The following INPP4B variants were observed in gnomAD, a reference collection of about 807,000 sequenced individuals.
The protein encoded by INPP4B is inositol polyphosphate 4-phosphatase type II.
A neutral mutation model predicts 122.5 loss-of-function variants in INPP4B; 55 were observed. The ratio of observed to expected loss-of-function variants is 0.45; its 90% CI spans 0.36 to 0.56. The LOEUF is 0.56. Ranked by LOEUF, INPP4B falls within the 20% of genes least tolerant of loss-of-function variation. The pLI is 0.00. For missense variants in INPP4B, 1,000 were observed against 1,097.7 expected (o/e 0.91, Z 1.26); for synonymous variants, 403 against 388.7 (o/e 1.04, Z -0.43).
chr4:142,656,468 CT>C (rs1013320007), intron 2 of INPP4B, among the ~76,000 whole-genome samples: 3 of 152,168 alleles, frequency 2.0e-5, no homozygotes, highest in African/African-American at 7.2e-5. Flanking sequence ...CCCCTACCCC[CT>C]GTGGATCCTG....
At chr4:142,269,024 G>A (rs1317208754) in intron 10 of INPP4B, among the ~76,000 whole-genome samples, 1 of 152,030 alleles carries the variant, frequency 6.6e-6, no homozygotes, top group Non-Finnish European at 1.5e-5. Flanking sequence ...TTAATACAGA[G>A]TTTTGTTGAA....
At chr4:142,764,028 A>C (rs1771724640) in intron 1 of INPP4B, among the ~76,000 whole-genome samples, 1 of 152,132 alleles carries the variant, frequency 6.6e-6, no homozygotes, top group Non-Finnish European at 1.5e-5. Flanking sequence ...CAAGTTCAAA[A>C]AGTTATGACA....
chr4:142,690,165 C>A (rs562657510), intron 2 of INPP4B, among the ~76,000 whole-genome samples: 1 of 152,074 alleles, frequency 6.6e-6, no homozygotes, highest in East Asian at 1.9e-4. Flanking sequence ...AGATACCATG[C>A]GGCGTCTTTC....
At chr4:142,366,716 C>A (rs1045570436) in intron 7 of INPP4B, among the ~76,000 whole-genome samples, 5 of 151,960 alleles carry the variant, frequency 3.3e-5, no homozygotes, top group Admixed American at 2.0e-4. Flanking sequence ...TTGCTCTAGA[C>A]CCAGAAATGC....
At chr4:142,481,876 G>A (rs780698663) in intron 2 of INPP4B, among the ~76,000 whole-genome samples, 5 of 152,156 alleles carry the variant, frequency 3.3e-5, no homozygotes, top group Non-Finnish European at 7.3e-5. Context: ...ATAAGGAACT[G>A]GACTTCTATG....
rs951351225 is a variant in INPP4B at position 142,246,033 on chromosome 4, C to T, written c.689-8022G>A. ...ACACACATGTGTGTATGTACACACA[C>T]GTGTGTGTATACACACATTATATAT... is the stretch of plus-strand genomic sequence containing the variant. On this transcript the variant is annotated intron_variant, in intron 11 of 25. Transcript: ENST00000262992. 2.4e-3 allele frequency among the ~76,000 whole-genome samples: 302 copies of T among 126,964 alleles called. 26 individuals are homozygous for T. The highest frequency in any genetic ancestry group is 8.3e-3 in the African/African-American group (264 of 31,736). The allele number at this position is 126,964 out of a possible 152,430, so 83.3% of individuals were successfully genotyped here.
intron 7 of INPP4B, among the ~76,000 whole-genome samples, chr4:142,368,359 A>T (rs1490495286): frequency 1.3e-5 from 2 of 152,090 alleles, no homozygotes; most frequent in East Asian, 3.9e-4. Flanking sequence ...ACCAAATAAT[A>T]ATTTCATTTT....
chr4:142,828,222 C>G (rs557824750), intron 1 of INPP4B, among the ~76,000 whole-genome samples: 2 of 152,070 alleles, frequency 1.3e-5, no homozygotes, highest in Admixed American at 1.3e-4. Context: ...GAAACTAGGC[C>G]TTGGGGAGTT....
chr4:142,383,881 C>G (rs1288945785), intron 7 of INPP4B: 3 of 511,344 alleles, frequency 5.9e-6, no homozygotes, highest in Non-Finnish European at 6.9e-6. Context: ...GGCGGGAACA[C>G]AGGTGTGAGC....
intron 25 of INPP4B, among the ~76,000 whole-genome samples, chr4:142,079,522 G>C (rs1451124626): frequency 6.6e-6 from 1 of 152,158 alleles, no homozygotes; most frequent in East Asian, 1.9e-4. Context: ...GCAGTAACTT[G>C]AGAAATGTTT....
At chr4:142,334,361 G>A (rs948230021) in intron 7 of INPP4B, among the ~76,000 whole-genome samples, 1 of 152,162 alleles carries the variant, frequency 6.6e-6, no homozygotes, top group African/African-American at 2.4e-5. Context: ...AGGATACTCG[G>A]ATTGTTTCCC....
At chr4:142,149,068 G>C (rs1812344241) in intron 17 of INPP4B, among the ~76,000 whole-genome samples, 1 of 152,192 alleles carries the variant, frequency 6.6e-6, no homozygotes, top group South Asian at 2.1e-4. Flanking sequence ...GCTGGTCATG[G>C]CCTCCTTCTC....
At chr4:142,614,577 C>T (rs932591239) in intron 2 of INPP4B, among the ~76,000 whole-genome samples, 2 of 151,888 alleles carry the variant, frequency 1.3e-5, no homozygotes, top group Non-Finnish European at 2.9e-5. Flanking sequence ...TTCTGCATAA[C>T]AAAATAAATA....
At chr4:142,321,829 G>A (rs1770185623) in intron 7 of INPP4B, among the ~76,000 whole-genome samples, 1 of 151,948 alleles carries the variant, frequency 6.6e-6, no homozygotes, top group Non-Finnish European at 1.5e-5. Context: ...ATGCTGTTTT[G>A]GTGGTCATAG....
At chr4:142,318,980 C>G (rs1357992431) in intron 7 of INPP4B, among the ~76,000 whole-genome samples, 1 of 152,166 alleles carries the variant, frequency 6.6e-6, no homozygotes, top group Non-Finnish European at 1.5e-5. Flanking sequence ...TTACAATGAG[C>G]ATGGGTATTG....
At chr4:142,287,478 C>G (rs923368511) in intron 9 of INPP4B, 7 of 152,252 alleles carry the variant, frequency 4.6e-5, no homozygotes, top group Admixed American at 2.0e-4. Flanking sequence ...AAACTGTCAC[C>G]CTGAGTTTGG....
chr4:142,698,331 G>A (rs1580728853), intron 2 of INPP4B, among the ~76,000 whole-genome samples: 1 of 150,356 alleles, frequency 6.7e-6, no homozygotes, highest in East Asian at 1.9e-4. Flanking sequence ...TTAAATCTTA[G>A]CACTGAAAGG....
At chr4:142,221,864 A>T (rs1021833863) in intron 12 of INPP4B, among the ~76,000 whole-genome samples, 3 of 152,220 alleles carry the variant, frequency 2.0e-5, no homozygotes, top group African/African-American at 7.2e-5. Context: ...GTGGCAAGTG[A>T]CTATGGTATG....
intron 18 of INPP4B, among the ~76,000 whole-genome samples, chr4:142,127,712 T>C (rs914872036): frequency 6.6e-6 from 1 of 152,184 alleles, no homozygotes; most frequent in Non-Finnish European, 1.5e-5. Context: ...GTGAGCAAGG[T>C]AATATGTCTT....
Sources: gnomAD v4.1 joint callset for allele counts (sites outside exome capture counted in the v4.1 genomes callset) on GRCh38, gnomAD v4.1.1 for gene constraint, MANE v1.5 for transcripts, NCBI Gene and HGNC (gene_info 2026-07-23, HGNC 2026-07-21) for gene names.